Variants in XXYLT1 observed in about 807,000 individuals in gnomAD.
The protein encoded by XXYLT1 is UDP-xylose:alpha-xyloside alpha-1,3-xylosyltransferase.
XXYLT1 carries 20 observed loss-of-function variants against 28.9 expected under a neutral mutation model. That is an observed-to-expected ratio of 0.69 (90% CI 0.49 to 1.00). The LOEUF (loss-of-function observed/expected upper bound fraction) is 1.00, where lower values mean the gene tolerates loss of function less well. XXYLT1 is among the 50% of genes least tolerant of loss of function. The probability of loss-of-function intolerance (pLI) is 0.00; values close to 1 mark genes in which losing one functional copy is unlikely to be tolerated. For synonymous variants in XXYLT1, 257 were observed against 253.8 expected, an observed-to-expected ratio of 1.01 and a Z score of -0.12; for missense variants, 542 against 560.1, an observed-to-expected ratio of 0.97 and a Z score of 0.33.
Position 195,271,120 on chromosome 3 carries a change from CGCCGGCGGCCACTTAGCCCCGGCGCCA to C in XXYLT1, c.-89_-63del, listed in dbSNP as rs1726015380. 1 of 1,274,002 alleles carries C rather than the reference CGCCGGCGGCCACTTAGCCCCGGCGCCA, an allele frequency of 7.8e-7. No homozygotes were observed. Among genetic ancestry groups the C allele is most frequent in the African/African-American group, 1.6e-5 (1 of 64,004 alleles). 78.9% of individuals were successfully genotyped at this position (1,274,002 alleles called of 1,614,324 possible). The stretch of plus-strand genomic sequence containing the variant: ...GCGGGAGAGCCCTCGGGTACCCGGA[CGCCGGCGGCCACTTAGCCCCGGCGCCA>C]GGCGGCGGCCATGAAAGGGGCGGGG... On this transcript the variant is annotated 5_prime_UTR_variant, in exon 1 of 4. It removes the in-frame stop codon of an upstream open reading frame in the 5' UTR. Coordinates refer to ENST00000310380, the MANE Select transcript of XXYLT1 (RefSeq NM_152531.5).
At chr3:195,135,646 C>T (rs1247684801) in intron 3 of XXYLT1, among the ~76,000 whole-genome samples, 2 of 152,322 alleles carry the variant, frequency 1.3e-5, no homozygotes, top group South Asian at 2.1e-4. Context: ...GCTGCTTTTG[C>T]AGTACATAGC....
At chr3:195,151,691 T>C (rs1279322206) in intron 3 of XXYLT1, among the ~76,000 whole-genome samples, 6 of 152,182 alleles carry the variant, frequency 3.9e-5, no homozygotes, top group Non-Finnish European at 7.3e-5. Context: ...AGTATAAGTA[T>C]GTCCTGTGCA....
intron 3 of XXYLT1, among the ~76,000 whole-genome samples, chr3:195,110,771 G>GTGT (rs758352516): frequency 4.6e-4 from 3 of 6,504 alleles, no homozygotes; most frequent in Admixed American, 4.0e-3. Context: ...TGTGTGTGGT[G>GTGT]TGTGTGTGGT....
At chr3:195,253,923 A>G (rs1408734334) in intron 1 of XXYLT1, among the ~76,000 whole-genome samples, 1 of 152,194 alleles carries the variant, frequency 6.6e-6, no homozygotes, top group East Asian at 1.9e-4. Flanking sequence ...AGCAAATTCA[A>G]CTATGTAGCC....
intron 3 of XXYLT1, among the ~76,000 whole-genome samples, chr3:195,131,910 G>A (rs1718926079): frequency 6.6e-6 from 1 of 152,176 alleles, no homozygotes; most frequent in African/African-American, 2.4e-5. Flanking sequence ...GTCTATCCCT[G>A]AGGGCCTCAG....
rs1173145546 is a variant in XXYLT1 at position 195,245,162 on chromosome 3, T to C, written c.505-18306A>G. Among the ~76,000 whole-genome samples, 3 of 148,854 alleles carry C rather than the reference T, an allele frequency of 2.0e-5. No homozygotes were observed. The East Asian group carries it at 5.9e-4, about 29-fold the overall frequency. ...GCCTTATGTGTAGCCCAAGAAAATT[T>C]TTTTTTTTTTTTTTTTGAGACGGAG... On this transcript the variant is annotated intron_variant, in intron 1 of 3. Coordinates refer to ENST00000310380, the MANE Select transcript of XXYLT1 (RefSeq NM_152531.5).
Position 195,270,653 on chromosome 3 carries a change from C to T in XXYLT1, c.406G>A (p.Val136Met), listed in dbSNP as rs776932317. 3.8e-6 allele frequency: 6 copies of T among 1,574,200 alleles called. No individual in the cohort carries two copies. The East Asian group carries it at 7.4e-5, about 19-fold the overall frequency. Residue 136 changes from valine to methionine, a missense_variant, in exon 1 of 4, where the codon GTG becomes ATG. Transcript: ENST00000310380. ...LRLAKFEAHEVLNLHFVSEEA... is the reference protein window; with the variant it reads ...LRLAKFEAHEMLNLHFVSEEA... ...TCGCTCACGAAGTGAAGGTTAAGCA[C>T]CTCGTGCGCCTCGAACTTGGCGAGG...
chr3:195,075,735 C>A (rs1715076139), intron 3 of XXYLT1, among the ~76,000 whole-genome samples: 1 of 152,210 alleles, frequency 6.6e-6, no homozygotes, highest in African/African-American at 2.4e-5. Context: ...CATGTGCTCA[C>A]CCTCGTCTGT....
chr3:195,266,698 C>A (rs993433815), intron 1 of XXYLT1, among the ~76,000 whole-genome samples: 1 of 152,128 alleles, frequency 6.6e-6, no homozygotes, highest in African/African-American at 2.4e-5. Flanking sequence ...GTCTTAGAGA[C>A]CAGCAGGAGA....
intron 1 of XXYLT1, among the ~76,000 whole-genome samples, chr3:195,251,762 T>C (rs774449045): frequency 6.6e-6 from 1 of 151,654 alleles, no homozygotes; most frequent in African/African-American, 2.4e-5. Flanking sequence ...TAAAAGGGAG[T>C]CTCCGCCAAG....
intron 2 of XXYLT1, among the ~76,000 whole-genome samples, chr3:195,171,829 A>G (rs1364367734): frequency 2.0e-5 from 3 of 152,254 alleles, no homozygotes; most frequent in African/African-American, 7.2e-5. Context: ...TGCAATTCAT[A>G]CAACAGTTAT....
At chr3:195,082,596 T>A (rs1715496377) in intron 3 of XXYLT1, among the ~76,000 whole-genome samples, 1 of 152,198 alleles carries the variant, frequency 6.6e-6, no homozygotes, top group Admixed American at 6.5e-5. Flanking sequence ...CTCACGCCTG[T>A]AATCCCAGCA....
chr3:195,127,484 G>A (rs1042620306), intron 3 of XXYLT1, among the ~76,000 whole-genome samples: 14 of 152,158 alleles, frequency 9.2e-5, no homozygotes, highest in African/African-American at 3.4e-4. Flanking sequence ...AATGCTAAAA[G>A]TTTAAAAATA....
intron 3 of XXYLT1, among the ~76,000 whole-genome samples, chr3:195,087,737 A>C (rs914178666): frequency 6.6e-6 from 1 of 152,198 alleles, no homozygotes; most frequent in Non-Finnish European, 1.5e-5. Flanking sequence ...AGCGACGCAG[A>C]AGACGGTGAT....
At chr3:195,268,232 C>G (rs1263569834) in intron 1 of XXYLT1, among the ~76,000 whole-genome samples, 10 of 152,046 alleles carry the variant, frequency 6.6e-5, no homozygotes, top group African/African-American at 2.4e-4. Flanking sequence ...GAATTTGAGA[C>G]CAGCCTGGCC....
At chr3:195,136,140 C>T (rs538558500) in intron 3 of XXYLT1, among the ~76,000 whole-genome samples, 3 of 152,276 alleles carry the variant, frequency 2.0e-5, no homozygotes, top group Admixed American at 1.3e-4. Context: ...AAAGCGATAA[C>T]ATCATTTTGC....
chr3:195,260,485 G>A (rs1057300087), intron 1 of XXYLT1, among the ~76,000 whole-genome samples: 5 of 152,218 alleles, frequency 3.3e-5, no homozygotes, highest in African/African-American at 1.2e-4. Flanking sequence ...TGGAAAGCCA[G>A]CCCCGGACAC....
intron 1 of XXYLT1, among the ~76,000 whole-genome samples, chr3:195,250,885 G>A (rs761819823): frequency 6.6e-6 from 1 of 152,208 alleles, no homozygotes; most frequent in Non-Finnish European, 1.5e-5. Flanking sequence ...CATAGTAGAT[G>A]CCCAGGCTGA....
At chr3:195,186,745 G>A (rs1478709709) in intron 2 of XXYLT1, among the ~76,000 whole-genome samples, 2 of 151,886 alleles carry the variant, frequency 1.3e-5, no homozygotes, top group Non-Finnish European at 2.9e-5. Context: ...GACAGAGACC[G>A]ACCCCATCTG....
Sources: allele counts gnomAD v4.1 joint callset (sites outside exome capture counted in the v4.1 genomes callset), GRCh38; gene constraint gnomAD v4.1.1; transcripts MANE v1.5; gene names NCBI Gene and HGNC (gene_info 2026-07-23, HGNC 2026-07-21).